Variants in CWF19L2 observed in about 807,000 individuals in gnomAD.
CWF19L2 encodes the protein CWF19-like protein 2.
In CWF19L2, 98 loss-of-function variants were observed where a neutral mutation model predicts 111.7. The observed-to-expected ratio is 0.88, with a 90% CI of 0.75 to 1.04. CWF19L2 has a LOEUF of 1.04. CWF19L2 is among the 50% of genes least tolerant of loss of function. CWF19L2 has a pLI of 0.00. For synonymous variants in CWF19L2, 351 were observed against 342.9 expected (o/e 1.02, Z -0.26); for missense variants, 1,101 against 1,051.4 (o/e 1.05, Z -0.65).
chr11:107,451,596 T>A (rs929924705), intron 3 of CWF19L2, among the ~76,000 whole-genome samples: 4 of 151,874 alleles, frequency 2.6e-5, no homozygotes, highest in African/African-American at 4.8e-5. Context: ...AAATCAGGGA[T>A]GAAAGAGGGG....
intron 10 of CWF19L2, among the ~76,000 whole-genome samples, chr11:107,399,779 C>T (rs1018403876): frequency 6.6e-6 from 1 of 152,130 alleles, no homozygotes; most frequent in Middle Eastern, 3.2e-3. Context: ...TATTCAACAG[C>T]ACATGGAACT....
intron 10 of CWF19L2, among the ~76,000 whole-genome samples, chr11:107,394,894 CAGGGAACA>C (rs1426739034): frequency 6.6e-6 from 1 of 152,170 alleles, no homozygotes; most frequent in Non-Finnish European, 1.5e-5. Flanking sequence ...TAAAAATCTG[CAGGGAACA>C]TTTATCACCA....
At chr11:107,331,461 G>A (rs895099777) in intron 16 of CWF19L2, among the ~76,000 whole-genome samples, 3 of 152,170 alleles carry the variant, frequency 2.0e-5, no homozygotes, top group African/African-American at 7.2e-5. Flanking sequence ...CAGAGTCAGA[G>A]AAAGATGGAA....
chr11:107,350,139 G>A (rs185545761), intron 13 of CWF19L2, among the ~76,000 whole-genome samples: 430 of 152,094 alleles, frequency 2.8e-3, no homozygotes, highest in African/African-American at 9.1e-3. Context: ...AAATAAATTA[G>A]AACACACAAA....
chr11:107,437,624 C>T (rs543094570), intron 6 of CWF19L2, among the ~76,000 whole-genome samples: 1 of 152,214 alleles, frequency 6.6e-6, no homozygotes, highest in South Asian at 2.1e-4. Context: ...GTGGTAAAAG[C>T]ATGACATGAA....
chr11:107,329,561 G>C (rs1312838053), intron 17 of CWF19L2, among the ~76,000 whole-genome samples: 1 of 152,058 alleles, frequency 6.6e-6, no homozygotes, highest in Non-Finnish European at 1.5e-5. Flanking sequence ...CACACAATAG[G>C]ATTATTGTGA....
In CWF19L2 at chr11:107,416,214, C is replaced by G. The variant is rs1486934455; in HGVS notation, c.1612G>C (p.Val538Leu). Reference protein sequence around the residue: ...TITQIPKKSGVENEDQQEVIL... With the variant: ...TITQIPKKSGLENEDQQEVIL... Reference sequence around the variant, plus strand: ...TCCAAACTTTTATTACTTACCTCTACCCCAGATTTTTTTGGTATCTGTGTT... The same window carrying G: ...TCCAAACTTTTATTACTTACCTCTAGCCCAGATTTTTTTGGTATCTGTGTT... Residue 538 changes from valine (V) to leucine (L), a missense_variant, in exon 10 of 18, where the codon GTA (valine) becomes CTA (leucine). Coordinates refer to ENST00000282251, the MANE Select transcript of CWF19L2 (RefSeq NM_152434.3). The G allele has an allele frequency of 3.6e-6, 5 of 1,378,140 alleles. No individual in the cohort carries two copies. The highest frequency in any genetic ancestry group is 4.9e-6 in the Non-Finnish European group (5 of 1,028,038). The allele number at this position is 1,378,140 out of a possible 1,614,324, so 85.4% of individuals were successfully genotyped here.
At chr11:107,365,001 G>A (rs1419404475) in intron 12 of CWF19L2, among the ~76,000 whole-genome samples, 6 of 111,376 alleles carry the variant, frequency 5.4e-5, no homozygotes, top group African/African-American at 1.9e-4. Context: ...TATCACCACC[G>A]ATCCCACAGA....
intron 9 of CWF19L2, among the ~76,000 whole-genome samples, chr11:107,416,611 A>C (rs1418443679): frequency 6.6e-6 from 1 of 152,232 alleles, no homozygotes; most frequent in African/African-American, 2.4e-5. Flanking sequence ...CAAAAGTTCA[A>C]TACTTTCAAC....
chr11:107,417,778 A>T (rs1430023337), intron 9 of CWF19L2, among the ~76,000 whole-genome samples: 6 of 150,086 alleles, frequency 4.0e-5, no homozygotes, highest in African/African-American at 1.5e-4. Context: ...TTTTTTTGAG[A>T]CACAGTCTCG....
rs960179032 is a variant in CWF19L2 at position 107,371,254 on chromosome 11, C to T, written c.1873-17518G>A. 1.2e-4 allele frequency among the ~76,000 whole-genome samples: 16 copies of T among 137,086 alleles called. 5 individuals are homozygous for T. Among genetic ancestry groups the T allele is most frequent in the African/African-American group, 2.3e-4 (8 of 34,258 alleles). 89.9% of individuals were successfully genotyped at this position (137,086 alleles called of 152,430 possible). On this transcript the variant is annotated intron_variant, in intron 12 of 17. Transcript: ENST00000282251. ...TCCTGACCTCGTGATCTGCCCGCCT[C>T]GGCCTCCCAAAGTGCTGGGATTACA...
At chr11:107,446,229 T>C (rs1004256375) in intron 3 of CWF19L2, among the ~76,000 whole-genome samples, 1 of 152,244 alleles carries the variant, frequency 6.6e-6, no homozygotes, top group African/African-American at 2.4e-5. Context: ...CAAGGCCCTA[T>C]TAATTCTTAC....
rs894367480 is a variant in CWF19L2 at position 107,430,051 on chromosome 11, G to A, written c.781-600C>T. On this transcript the variant is annotated intron_variant, in intron 7 of 17. Coordinates refer to ENST00000282251, the MANE Select transcript of CWF19L2 (RefSeq NM_152434.3). ...ATGCATTTATTAGTACTTCCAGAAA[G>A]ATGGAGCAAAGATGATGGGAATAGA... 3.3e-5 allele frequency among the ~76,000 whole-genome samples: 5 copies of A among 151,964 alleles called. No homozygotes were observed. The East Asian group carries it at 9.6e-4, about 29-fold the overall frequency.
intron 7 of CWF19L2, among the ~76,000 whole-genome samples, chr11:107,433,181 T>C (rs545181991): frequency 2.0e-4 from 31 of 152,206 alleles, no homozygotes; most frequent in East Asian, 9.6e-4. Context: ...AATAGAAAGA[T>C]TGTCCAGAAC....
At chr11:107,354,812 C>A (rs1323513927) in intron 12 of CWF19L2, among the ~76,000 whole-genome samples, 2 of 152,188 alleles carry the variant, frequency 1.3e-5, no homozygotes, top group Non-Finnish European at 2.9e-5. Flanking sequence ...TCCTTATTTC[C>A]TGACAGGCTG....
chr11:107,378,549 T>C (rs1311502200), intron 12 of CWF19L2, among the ~76,000 whole-genome samples: 1 of 152,088 alleles, frequency 6.6e-6, no homozygotes, highest in Non-Finnish European at 1.5e-5. Context: ...TTCTCACGCA[T>C]AGGTGGGAAT....
chr11:107,362,498 T>A (rs1204426319), intron 12 of CWF19L2, among the ~76,000 whole-genome samples: 2 of 152,096 alleles, frequency 1.3e-5, no homozygotes, highest in African/African-American at 4.8e-5. Flanking sequence ...GACTGCCTCC[T>A]CAAGTGGGTC....
chr11:107,356,281 G>A (rs1860236148), intron 12 of CWF19L2, among the ~76,000 whole-genome samples: 1 of 152,000 alleles, frequency 6.6e-6, no homozygotes, highest in Non-Finnish European at 1.5e-5. Flanking sequence ...TGTATTAAAA[G>A]ACAAGAAAGG....
chr11:107,403,647 C>A, intron 10 of CWF19L2: 1 of 776,382 alleles, frequency 1.3e-6, no homozygotes, highest in Non-Finnish European at 2.4e-6. Context: ...TTCTTCTCCT[C>A]ACCTTTGTTT....
Sources: gnomAD v4.1 joint callset for allele counts (sites outside exome capture counted in the v4.1 genomes callset) on GRCh38, gnomAD v4.1.1 for gene constraint, MANE v1.5 for transcripts, NCBI Gene and HGNC (gene_info 2026-07-23, HGNC 2026-07-21) for gene names.